PCDHA6: variants seen among roughly 807,000 people sequenced by gnomAD.
PCDHA6 encodes protocadherin alpha-6.
A neutral mutation model predicts 60.3 loss-of-function variants in PCDHA6; 55 were observed. The observed-to-expected ratio is 0.91, with a 90% confidence interval of 0.73 to 1.14. PCDHA6 has a LOEUF of 1.14. Among genes scored for constraint, PCDHA6 ranks in the 50% most tolerant of loss-of-function variants. PCDHA6 has a pLI of 0.00. For missense variants in PCDHA6, 1,327 were observed against 1,256.5 expected (o/e 1.06, Z -0.85); for synonymous variants, 652 against 557.9 (o/e 1.17, Z -2.38).
chr5:140,877,840 G>A, intron 1 of PCDHA6: 1 of 1,580,394 alleles, frequency 6.3e-7, no homozygotes, highest in South Asian at 1.2e-5. Context: ...TCCCAGTGAA[G>A]TAAGTTATTA....
At chr5:140,929,183 C>G (rs148631412) in intron 1 of PCDHA6, 1 of 1,614,144 alleles carries the variant, frequency 6.2e-7, no homozygotes, top group East Asian at 2.2e-5. Flanking sequence ...GGACTTGGTT[C>G]TGATAATAAC....
intron 1 of PCDHA6, chr5:140,969,383 C>G: frequency 6.3e-7 from 1 of 1,597,986 alleles, no homozygotes; most frequent in Non-Finnish European, 8.5e-7. Context: ...TGTTACACAT[C>G]CCCCAATATC....
At chr5:140,876,577 A>G (rs1554168681) in intron 1 of PCDHA6, 2 of 1,614,182 alleles carry the variant, frequency 1.2e-6, no homozygotes, top group Non-Finnish European at 1.7e-6. Context: ...GGGTACCGTC[A>G]TTGCCCTGAT....
chr5:140,923,951 G>A (rs763582377), intron 1 of PCDHA6, among the ~76,000 whole-genome samples: 4 of 151,984 alleles, frequency 2.6e-5, no homozygotes, highest in Non-Finnish European at 2.9e-5. Context: ...TTTTCCTCAC[G>A]CCCTAATCTA....
At chr5:141,005,371 T>G (rs35698397) in intron 3 of PCDHA6, among the ~76,000 whole-genome samples, 7,868 of 152,226 alleles carry the variant, frequency 0.052, 247 homozygotes, top group South Asian at 0.11. Flanking sequence ...TAGAATGCCT[T>G]TCCAAGGAGG....
Position 140,927,804 on chromosome 5 carries a change from G to T in PCDHA6, c.2395-51145G>T, listed in dbSNP as rs112037348. The T allele has an allele frequency of 8.3e-4, 1,346 of 1,614,160 alleles. 11 individuals carry two copies. The African/African-American group carries it at 0.015, about 18-fold the overall frequency. On this transcript the variant is annotated intron_variant, in intron 1 of 3. Coordinates refer to ENST00000529310, the MANE Select transcript of PCDHA6 (RefSeq NM_018909.4). Reference sequence around the variant, plus strand: ...CTGCTTCACTAGGTCCGCCTGAAACGCTCTTGGAGGCATACATTGAGGCGA... The same window carrying T: ...CTGCTTCACTAGGTCCGCCTGAAACTCTCTTGGAGGCATACATTGAGGCGA...
At chr5:140,902,473 T>A (rs2069483138) in intron 1 of PCDHA6, among the ~76,000 whole-genome samples, 1 of 152,208 alleles carries the variant, frequency 6.6e-6, no homozygotes, top group African/African-American at 2.4e-5. Context: ...CTTTGAGTTT[T>A]TGCCTGCTCA....
At chr5:140,881,195 A>G (rs943462031) in intron 1 of PCDHA6, 1 of 173,206 alleles carries the variant, frequency 5.8e-6, no homozygotes, top group Non-Finnish European at 1.1e-5. Context: ...ATATGTTAAC[A>G]TCTTTGTCTA....
chr5:140,875,949 T>C (rs1306170767), intron 1 of PCDHA6: 2 of 1,614,096 alleles, frequency 1.2e-6, no homozygotes, highest in African/African-American at 2.7e-5. Context: ...GCGCTTCTGA[T>C]GCGGATATCG....
intron 1 of PCDHA6, among the ~76,000 whole-genome samples, chr5:140,896,352 A>G (rs1045413506): frequency 2.6e-5 from 4 of 152,166 alleles, no homozygotes; most frequent in African/African-American, 4.8e-5. Flanking sequence ...TCCCGCCAGC[A>G]GTGTATAAGC....
intron 1 of PCDHA6, chr5:140,869,862 A>G: frequency 3.7e-6 from 6 of 1,610,466 alleles, no homozygotes; most frequent in Non-Finnish European, 5.1e-6. Flanking sequence ...GCCTTATGGA[A>G]AATGCTGCTA....
At position 140,849,790 on chromosome 5, in the gene PCDHA6, C is replaced by T. The variant is rs2150450402; in HGVS notation, c.2394+19305C>T. The T allele has an allele frequency of 6.1e-5, 97 of 1,598,120 alleles. 10 individuals are homozygous for T. Among genetic ancestry groups the T allele is most frequent in the Middle Eastern group, 1.7e-4 (1 of 5,854 alleles). On this transcript the variant is annotated intron_variant, in intron 1 of 3. Transcript: ENST00000529310. The stretch of plus-strand genomic sequence containing the variant: ...GTGGTTACCGCGCGGGACGGGGGCT[C>T]GCCTTCACTGTGGGCCACGGCCAGG...
intron 1 of PCDHA6, chr5:140,849,428 A>G: frequency 6.3e-7 from 1 of 1,578,702 alleles, no homozygotes; most frequent in Non-Finnish European, 8.6e-7. Context: ...TGGATTTTGA[A>G]GAAAGTAGAG....
At chr5:140,913,857 T>C (rs1374392004) in intron 1 of PCDHA6, among the ~76,000 whole-genome samples, 3 of 152,208 alleles carry the variant, frequency 2.0e-5, no homozygotes, top group Admixed American at 6.5e-5. Context: ...CAGGAGCATA[T>C]TGTTTAATTT....
At chr5:140,976,248 T>G (rs1476905185) in intron 1 of PCDHA6, among the ~76,000 whole-genome samples, 5 of 152,032 alleles carry the variant, frequency 3.3e-5, no homozygotes, top group African/African-American at 9.7e-5. Context: ...TCATGTAAAT[T>G]TATTTAAAAC....
chr5:140,884,489 T>G, intron 1 of PCDHA6: 1 of 1,613,936 alleles, frequency 6.2e-7, no homozygotes, highest in East Asian at 2.2e-5. Flanking sequence ...CACTCTAGTG[T>G]GCTCCAGCGC....
In PCDHA6 at chr5:140,828,740, G is replaced by C. The variant is rs2150158441; in HGVS notation, c.649G>C (p.Gly217Arg). ...AHNLFLTATD[G>R]GKPELTGTVQ... is the part of the protein sequence containing the mutation. ...CAACTTATTCCTGACAGCCACAGAT[G>C]GGGGCAAACCTGAGCTCACAGGCAC... The change falls in exon 1 of 4, where the codon GGG (glycine) becomes CGG (arginine). Residue 217 changes from glycine to arginine, a missense_variant. Gly to Arg is a moderately radical substitution (Grantham distance 125, BLOSUM62 -2). Transcript: ENST00000529310. 6.2e-7 allele frequency: 1 copy of C among 1,614,226 alleles called. No individual in the cohort carries two copies. The highest frequency in any genetic ancestry group is 1.7e-5 in the Admixed American group (1 of 60,026).
chr5:140,933,333 A>G (rs1215342457), intron 1 of PCDHA6, among the ~76,000 whole-genome samples: 1 of 152,032 alleles, frequency 6.6e-6, no homozygotes, highest in Non-Finnish European at 1.5e-5. Flanking sequence ...TGTGCTGTAG[A>G]GAAAGATAAA....
In PCDHA6 at chr5:140,852,257, T is replaced by C. The variant is rs1417638818; in HGVS notation, c.2394+21772T>C. 5.9e-6 allele frequency: 3 copies of C among 512,112 alleles called. No individual in the cohort carries two copies. The African/African-American group carries it at 6.3e-5, about 11-fold the overall frequency. 31.7% of individuals were successfully genotyped at this position (512,112 alleles called of 1,614,324 possible). A position where few individuals can be genotyped will look rare whatever the true frequency, so the allele number is the denominator to read the frequency against. On this transcript the variant is annotated intron_variant, in intron 1 of 3. Coordinates refer to ENST00000529310, the MANE Select transcript of PCDHA6 (RefSeq NM_018909.4). ...TCCCTTAAAACACACTTTTGGAATA[T>C]GCTACAATATTACATGTTTTTTGTC...
Sources: gnomAD v4.1 joint callset for allele counts (sites outside exome capture counted in the v4.1 genomes callset) on GRCh38, gnomAD v4.1.1 for gene constraint, MANE v1.5 for transcripts, NCBI Gene and HGNC (gene_info 2026-07-23, HGNC 2026-07-21) for gene names.